The following TGFA variants were observed in gnomAD, a reference collection of about 807,000 sequenced individuals.
The protein encoded by TGFA is protransforming growth factor alpha.
A neutral mutation model predicts 21.7 loss-of-function variants in TGFA; 12 were observed. The ratio of observed to expected loss-of-function variants is 0.55; its 90% CI spans 0.35 to 0.90. TGFA has a LOEUF of 0.90. Ranked by LOEUF, TGFA falls within the 40% of genes least tolerant of loss-of-function variation. The pLI is 0.01. For synonymous variants in TGFA, 79 were observed against 88.1 expected, an observed-to-expected ratio of 0.90 and a Z score of 0.58; for missense variants, 178 against 210.8, an observed-to-expected ratio of 0.84 and a Z score of 0.96.
At chr2:70,505,699 A>T (rs528875012) in intron 2 of TGFA, among the ~76,000 whole-genome samples, 54 of 152,180 alleles carry the variant, frequency 3.5e-4, no homozygotes, top group African/African-American at 1.2e-3. Flanking sequence ...AAAACAAAAA[A>T]CTTTCTCCTT....
intron 1 of TGFA, among the ~76,000 whole-genome samples, chr2:70,533,979 GA>G (rs1298121338): frequency 0.036 from 5,207 of 145,248 alleles, 244 homozygotes; most frequent in African/African-American, 0.11. Context: ...TTATCTAAAG[GA>G]AAAAAAAAAA....
chr2:70,455,985 T>G (rs1670216105), intron 4 of TGFA, among the ~76,000 whole-genome samples: 1 of 152,212 alleles, frequency 6.6e-6, no homozygotes, highest in Non-Finnish European at 1.5e-5. Context: ...CTGGTGCTGA[T>G]GGAAGGAGGC....
chr2:70,510,972 T>C (rs13404018), intron 2 of TGFA, among the ~76,000 whole-genome samples: 1,710 of 147,410 alleles, frequency 0.012, 36 homozygotes, highest in African/African-American at 0.041. Context: ...AAGATCTCAT[T>C]TCTAAAAATA....
chr2:70,467,928 G>A (rs1037987755), intron 2 of TGFA, among the ~76,000 whole-genome samples: 4 of 152,168 alleles, frequency 2.6e-5, no homozygotes, highest in South Asian at 2.1e-4. Context: ...CAGAGGCACG[G>A]GTTTGAATCC....
Position 70,514,964 on chromosome 2 carries a change from T to A in TGFA, c.41-52A>T, listed in dbSNP as rs377433962. On this transcript the variant is annotated intron_variant, in intron 1 of 5. Transcript: ENST00000295400. ...AGGTCAGAGTCTGCTTGGCAAATGATGTCCTCAGACGCTTAGAGGGCAGGC... is the reference window on the plus strand; with the variant it reads ...AGGTCAGAGTCTGCTTGGCAAATGAAGTCCTCAGACGCTTAGAGGGCAGGC... The A allele has an allele frequency of 3.0e-5, 47 of 1,573,320 alleles. 1 individual carries two copies. The South Asian group carries it at 5.3e-4, about 18-fold the overall frequency.
intron 2 of TGFA, among the ~76,000 whole-genome samples, chr2:70,510,839 T>C (rs574951184): frequency 7.9e-5 from 12 of 152,178 alleles, no homozygotes; most frequent in East Asian, 1.9e-4. Context: ...ACTTTTTTTT[T>C]CCCCAAAATG....
intron 3 of TGFA, among the ~76,000 whole-genome samples, chr2:70,457,698 T>C (rs1466814222): frequency 1.1e-4 from 16 of 151,948 alleles, no homozygotes; most frequent in Admixed American, 1.0e-3. Flanking sequence ...CATGCCACCA[T>C]GCCTGGCTAA....
At chr2:70,490,889 C>T (rs956188058) in intron 2 of TGFA, among the ~76,000 whole-genome samples, 3 of 152,076 alleles carry the variant, frequency 2.0e-5, no homozygotes, top group Admixed American at 2.0e-4. Context: ...TGTCTGTGGA[C>T]CAATTAGTGC....
intron 2 of TGFA, among the ~76,000 whole-genome samples, chr2:70,490,821 C>T (rs1260025303): frequency 6.6e-6 from 1 of 152,120 alleles, no homozygotes; most frequent in African/African-American, 2.4e-5. Flanking sequence ...TGGTGCTTCC[C>T]ATGCTTTTTT....
chr2:70,457,545 CT>C (rs562850221), intron 3 of TGFA, among the ~76,000 whole-genome samples: 168 of 143,580 alleles, frequency 1.2e-3, no homozygotes, highest in Middle Eastern at 3.7e-3. Flanking sequence ...GGCGGGACTT[CT>C]TTTTTTTTTT....
intron 2 of TGFA, among the ~76,000 whole-genome samples, chr2:70,492,850 C>G (rs529094424): frequency 6.6e-6 from 1 of 152,000 alleles, no homozygotes; most frequent in African/African-American, 2.4e-5. Context: ...AACAAAGGTG[C>G]CTTTCATGTT....
rs782373453 is a variant in TGFA at position 70,524,931 on chromosome 2, G to A, written c.41-10019C>T. On this transcript the variant is annotated intron_variant, in intron 1 of 5. Coordinates refer to ENST00000295400, the MANE Select transcript of TGFA (RefSeq NM_003236.4). ...CCATTGGCCCCATCTCAACTTCCCT[G>A]GCCTGTGATGTCTCAGAATTACCAT... is the stretch of plus-strand genomic sequence containing the variant. 2.0e-5 allele frequency among the ~76,000 whole-genome samples: 3 copies of A among 151,950 alleles called. No homozygotes were observed. The East Asian group carries it at 5.8e-4, about 29-fold the overall frequency.
intron 2 of TGFA, among the ~76,000 whole-genome samples, chr2:70,500,100 T>C (rs965785386): frequency 2.6e-4 from 39 of 152,170 alleles, no homozygotes; most frequent in Non-Finnish European, 3.5e-4. Flanking sequence ...TGGTATATGG[T>C]ATCTATTTTC....
intron 5 of TGFA, among the ~76,000 whole-genome samples, chr2:70,451,351 C>T (rs1670053356): frequency 6.6e-6 from 1 of 152,204 alleles, no homozygotes; most frequent in South Asian, 2.1e-4. Flanking sequence ...GTCCTCAGTT[C>T]CTGAGTTCAG....
In TGFA at chr2:70,465,611, C is replaced by T. The variant is rs375840926; in HGVS notation, c.215+5G>A. On this transcript the variant is annotated splice_donor_5th_base_variant and intron_variant, in intron 3 of 5. Coordinates refer to ENST00000295400, the MANE Select transcript of TGFA (RefSeq NM_003236.4). ...CAGATCTCCAGGAGAACAGGGGATACTTACACACATGCTGGCTTGTCCTCC... is the reference window on the plus strand; with the variant it reads ...CAGATCTCCAGGAGAACAGGGGATATTTACACACATGCTGGCTTGTCCTCC... The T allele has an allele frequency of 1.9e-6, 3 of 1,614,038 alleles. No individual in the cohort carries two copies. The highest frequency in any genetic ancestry group is 2.5e-6 in the Non-Finnish European group (3 of 1,180,008).
intron 2 of TGFA, among the ~76,000 whole-genome samples, chr2:70,499,343 C>G (rs1553498789): frequency 6.6e-6 from 1 of 152,198 alleles, no homozygotes; most frequent in African/African-American, 2.4e-5. Context: ...GCTGATGGAT[C>G]CCACTTGCTG....
chr2:70,486,024 T>C (rs1364625025), intron 2 of TGFA, among the ~76,000 whole-genome samples: 4 of 152,190 alleles, frequency 2.6e-5, no homozygotes, highest in Non-Finnish European at 5.9e-5. Context: ...AGGCAAAAGC[T>C]CACAAAATAT....
rs78826347 is a variant in TGFA at position 70,510,667 on chromosome 2, A to T, written c.94+4192T>A. On this transcript the variant is annotated intron_variant, in intron 2 of 5. Coordinates refer to ENST00000295400, the MANE Select transcript of TGFA (RefSeq NM_003236.4). ...CCACATCCCTCTGCTGTCCCACTCA[A>T]ATTGTCTGAGAAGCGTTTACTAATG... Among the ~76,000 whole-genome samples the T allele has an allele frequency of 3.5e-3, 537 of 152,262 alleles. 6 individuals carry two copies. Among genetic ancestry groups the T allele is most frequent in the African/African-American group, 0.01 (424 of 41,540 alleles).
chr2:70,448,333 TG>T lies in TGFA; in HGVS notation c.*2525del, dbSNP rs1553489016. ...AAAAAATGTTTGTTATTTTTTTAAA[TG>T]GGGGCTTTTCATTGTCTCCTGAGCC... On this transcript the variant is annotated 3_prime_UTR_variant, in exon 6 of 6. Coordinates refer to ENST00000295400, the MANE Select transcript of TGFA (RefSeq NM_003236.4). 6.6e-6 allele frequency: 1 copy of T among 152,188 alleles called. No homozygotes were observed. Among genetic ancestry groups the T allele is most frequent in the Non-Finnish European group, 1.5e-5 (1 of 68,022 alleles). The allele number at this position is 152,188 out of a possible 1,614,324, so 9.4% of individuals were successfully genotyped here.
Sources: allele counts gnomAD v4.1 joint callset (sites outside exome capture counted in the v4.1 genomes callset), GRCh38; gene constraint gnomAD v4.1.1; transcripts MANE v1.5; gene names NCBI Gene and HGNC (gene_info 2026-07-23, HGNC 2026-07-21).